Variants in MPP7 observed in about 807,000 individuals in gnomAD.
MPP7 encodes the protein MAGUK p55 scaffold protein 7, also known as MAGUK p55 subfamily member 7.
In MPP7, 60 loss-of-function variants were observed where a neutral mutation model predicts 76.5. The observed-to-expected ratio is 0.78, with a 90% CI of 0.64 to 0.97. MPP7 has a LOEUF of 0.97. Ranked by LOEUF, MPP7 falls within the 50% of genes least tolerant of loss-of-function variation. MPP7 has a pLI of 0.00. For missense variants in MPP7, 641 were observed against 694.0 expected, an observed-to-expected ratio of 0.92 and a Z score of 0.86; for synonymous variants, 237 against 244.5, an observed-to-expected ratio of 0.97 and a Z score of 0.29.
intron 1 of MPP7, among the ~76,000 whole-genome samples, chr10:28,241,248 C>T (rs1223405308): frequency 6.6e-6 from 1 of 152,102 alleles, no homozygotes; most frequent in Non-Finnish European, 1.5e-5. Flanking sequence ...TGCTGCTGTT[C>T]ATCTATGCCA....
chr10:28,154,273 T>C (rs1418820203), intron 3 of MPP7, among the ~76,000 whole-genome samples: 3 of 152,202 alleles, frequency 2.0e-5, no homozygotes, highest in Non-Finnish European at 4.4e-5. Context: ...AGTTTTCTCA[T>C]CTTCCCACTC....
intron 2 of MPP7, among the ~76,000 whole-genome samples, chr10:28,227,835 C>T (rs1838747818): frequency 6.6e-6 from 1 of 152,106 alleles, no homozygotes; most frequent in African/African-American, 2.4e-5. Flanking sequence ...GGTATATACC[C>T]AGTAATGAGA....
Position 28,059,727 on chromosome 10 carries a change from T to A in MPP7, c.1221A>T (p.Arg407Ser). The A allele has an allele frequency of 6.2e-7, 1 of 1,612,996 alleles. No homozygotes were observed. The highest frequency in any genetic ancestry group is 8.5e-7 in the Non-Finnish European group (1 of 1,179,192). ...GVTVPHTTRA[R>S]RSQESDGVEY... is the part of the protein sequence containing the mutation. ...CAACACCATCACTCTCCTGGCTTCT[T>A]CTTGCTCTGGTGGTATCTATGATTT... The change falls in exon 14 of 17, where the codon AGA becomes AGT. Residue 407 changes from arginine (R) to serine (S), a missense_variant. Physicochemically the swap from Arg to Ser is moderately radical, Grantham distance 110. Transcript: ENST00000683449.
chr10:28,216,970 T>A (rs1838329663), intron 2 of MPP7, among the ~76,000 whole-genome samples: 1 of 152,160 alleles, frequency 6.6e-6, no homozygotes, highest in Admixed American at 6.5e-5. Flanking sequence ...TTTTTAATAC[T>A]CAAAGTCTTG....
chr10:28,219,205 C>G (rs1414378038), intron 2 of MPP7, among the ~76,000 whole-genome samples: 2 of 152,038 alleles, frequency 1.3e-5, no homozygotes, highest in African/African-American at 4.8e-5. Flanking sequence ...AAATGTGACA[C>G]TAAATTTCAA....
intron 2 of MPP7, among the ~76,000 whole-genome samples, chr10:28,320,639 ATCGTT>A: frequency 6.6e-6 from 1 of 152,268 alleles, no homozygotes. Flanking sequence ...ATCACTACAC[ATCGTT>A]TCATATCAAT....
At chr10:28,141,619 A>T (rs909172593) in intron 5 of MPP7, among the ~76,000 whole-genome samples, 6 of 152,142 alleles carry the variant, frequency 3.9e-5, no homozygotes, top group African/African-American at 1.4e-4. Flanking sequence ...TATACATATA[A>T]ATATATGCAT....
At chr10:28,278,913 C>A (rs1401703045) in intron 1 of MPP7, among the ~76,000 whole-genome samples, 1 of 149,962 alleles carries the variant, frequency 6.7e-6, no homozygotes, top group African/African-American at 2.5e-5. Flanking sequence ...TGAAATGTTA[C>A]CCAAATTAAA....
intron 5 of MPP7, among the ~76,000 whole-genome samples, chr10:28,133,382 T>C (rs1835256411): frequency 6.6e-6 from 1 of 152,208 alleles, no homozygotes; most frequent in Non-Finnish European, 1.5e-5. Flanking sequence ...CTCCTCCTCA[T>C]TCAACTTGAA....
chr10:28,161,307 T>C (rs1836253973), intron 3 of MPP7, among the ~76,000 whole-genome samples: 3 of 152,158 alleles, frequency 2.0e-5, no homozygotes, highest in African/African-American at 7.2e-5. Context: ...CACTCAAATA[T>C]ATACTGTAGC....
intron 11 of MPP7, among the ~76,000 whole-genome samples, chr10:28,095,025 T>TGTCTTCATA (rs1464235926): frequency 6.6e-6 from 1 of 152,066 alleles, no homozygotes; most frequent in East Asian, 1.9e-4. Flanking sequence ...TTTTTTCATT[T>TGTCTTCATA]GTCTTCATAG....
chr10:28,068,305 T>C (rs1375270185), intron 13 of MPP7, among the ~76,000 whole-genome samples: 1 of 152,036 alleles, frequency 6.6e-6, no homozygotes, highest in African/African-American at 2.4e-5. Context: ...AGCAATAATT[T>C]AGAAAAATGT....
intron 1 of MPP7, among the ~76,000 whole-genome samples, chr10:28,263,034 C>A (rs2132961295): frequency 6.6e-6 from 1 of 152,198 alleles, no homozygotes; most frequent in African/African-American, 2.4e-5. Context: ...CCAGCCTGGG[C>A]AACAGAGCGA....
intron 2 of MPP7, among the ~76,000 whole-genome samples, chr10:28,316,092 T>C (rs1222573143): frequency 6.6e-6 from 1 of 152,180 alleles, no homozygotes; most frequent in East Asian, 1.9e-4. Context: ...GTAAATGTAA[T>C]GTGGTACCCT....
At position 28,202,177 on chromosome 10, in the gene MPP7, T is replaced by C. The variant is rs772580691; in HGVS notation, c.132A>G (p.Glu44=). Residue 44 remains glutamate (E), a synonymous_variant, in exon 3 of 17, where the codon GAA becomes GAG. Coordinates refer to ENST00000683449, the MANE Select transcript of MPP7 (RefSeq NM_001318170.2). ...CCTTTACCAATGAATGCAGGCTTTT[T>C]TCACCAAACATATCCCAGAGGAAGG... ...DLTFLWDMFG[E]KSLHSLVKIH... 8 of 1,613,498 alleles carry C rather than the reference T, an allele frequency of 5.0e-6. No homozygotes were observed. The highest frequency in any genetic ancestry group is 6.8e-6 in the Non-Finnish European group (8 of 1,179,470).
At chr10:28,267,687 C>T (rs10826438) in intron 1 of MPP7, among the ~76,000 whole-genome samples, 30,216 of 151,898 alleles carry the variant, frequency 0.2, 3,564 homozygotes, top group African/African-American at 0.33. Context: ...TAAGGGATAC[C>T]CAACCTGTAT....
At chr10:28,128,857 CT>C (rs1306359669) in intron 6 of MPP7, among the ~76,000 whole-genome samples, 4 of 152,154 alleles carry the variant, frequency 2.6e-5, no homozygotes, top group Non-Finnish European at 5.9e-5. Context: ...CACATAGACG[CT>C]TTTTAAAGCC....
At position 28,090,593 on chromosome 10, in the gene MPP7, T is replaced by C. The variant is rs535444078; in HGVS notation, c.953-752A>G. ...CAAAGTTTCTATTACATCCTAAGCATAACCTCACAACGTACCCATGGCACA... is the reference window on the plus strand; with the variant it reads ...CAAAGTTTCTATTACATCCTAAGCACAACCTCACAACGTACCCATGGCACA... On this transcript the variant is annotated intron_variant, in intron 11 of 16. Transcript: ENST00000683449. Among the ~76,000 whole-genome samples, 5 of 152,344 alleles carry C rather than the reference T, an allele frequency of 3.3e-5. No individual in the cohort carries two copies. In the East Asian group the frequency reaches 9.6e-4, roughly 29 times the overall value.
chr10:28,224,406 TA>T lies in MPP7; in HGVS notation c.37+14161del, dbSNP rs1248247379. The stretch of plus-strand genomic sequence containing the variant: ...AACTGAAGACTGCAAATTTTTTTGT[TA>T]AAATGCTCTTTTCATTGACTTTCTG... On this transcript the variant is annotated intron_variant, in intron 2 of 16. Transcript: ENST00000683449. 2.6e-5 allele frequency among the ~76,000 whole-genome samples: 4 copies of T among 151,816 alleles called. No individual in the cohort carries two copies. In the East Asian group the frequency reaches 7.7e-4, roughly 29 times the overall value.
Sources: gnomAD v4.1 joint callset for allele counts (sites outside exome capture counted in the v4.1 genomes callset) on GRCh38, gnomAD v4.1.1 for gene constraint, MANE v1.5 for transcripts, NCBI Gene and HGNC (gene_info 2026-07-23, HGNC 2026-07-21) for gene names.